NEURL4: variants seen among roughly 807,000 people sequenced by gnomAD.
NEURL4 encodes the protein neuralized-like protein 4.
Under a neutral mutation model 148.0 loss-of-function variants are expected in NEURL4, and 45 were observed. The ratio of observed to expected loss-of-function variants is 0.30; its 90% CI spans 0.24 to 0.39. NEURL4 has a LOEUF of 0.39. NEURL4 is among the 10% of genes least tolerant of loss of function. The pLI is 1.00. For synonymous variants in NEURL4, 854 were observed against 869.0 expected (o/e 0.98, Z 0.30); for missense variants, 1,776 against 2,144.0 (o/e 0.83, Z 3.39).
chr17:7,319,696 G>A lies in NEURL4; in HGVS notation c.3526-488C>T, dbSNP rs535427853. On this transcript the variant is annotated intron_variant, in intron 21 of 28. Transcript: ENST00000399464. Reference sequence around the variant, plus strand: ...GCCTGGGCGACAAGAGCTAAACTCCGTCTCAAAAAAAACAAAAAAACAAAA... The same window carrying A: ...GCCTGGGCGACAAGAGCTAAACTCCATCTCAAAAAAAACAAAAAAACAAAA... Among the ~76,000 whole-genome samples the A allele has an allele frequency of 2.4e-3, 205 of 83,850 alleles. 3 individuals are homozygous for A. Among genetic ancestry groups the A allele is most frequent in the Middle Eastern group, 6.2e-3 (1 of 162 alleles). The allele number at this position is 83,850 out of a possible 152,430, so 55.0% of individuals were successfully genotyped here. A position where few individuals can be genotyped will look rare whatever the true frequency, so the allele number is the denominator to read the frequency against.
In NEURL4 at chr17:7,324,899, G is replaced by C. The variant is rs377496192; in HGVS notation, c.1713C>G (p.Asp571Glu). 2 of 1,614,172 alleles carry C rather than the reference G, an allele frequency of 1.2e-6. No homozygotes were observed. Among genetic ancestry groups the C allele is most frequent in the Admixed American group, 1.7e-5 (1 of 60,022 alleles). Residue 571 changes from aspartate (D) to glutamate (E), a missense_variant, in exon 9 of 29, where the codon GAC (aspartate) becomes GAG (glutamate). Physicochemically the swap from Asp to Glu is conservative, Grantham distance 45. Coordinates refer to ENST00000399464, the MANE Select transcript of NEURL4 (RefSeq NM_032442.3). This position sits in a 1 kb window ranked among gnomAD's most constrained non-coding sequence, Gnocchi z 5.9. Reference protein sequence around the residue: ...RDGEVFQVRIDKMVDKWAGSI... With the variant: ...RDGEVFQVRIEKMVDKWAGSI... ...AGCCAGCCCATTTGTCCACCATCTTGTCGATGCGCACCTGGAACACCTCTC... is the reference window on the plus strand; with the variant it reads ...AGCCAGCCCATTTGTCCACCATCTTCTCGATGCGCACCTGGAACACCTCTC...
chr17:7,318,542 G>T lies in NEURL4; in HGVS notation c.3817C>A (p.Pro1273Thr). 2 of 1,613,074 alleles carry T rather than the reference G, an allele frequency of 1.2e-6. No individual in the cohort carries two copies. The highest frequency in any genetic ancestry group is 2.2e-5 in the South Asian group (2 of 90,928). ...TCCACAAGCGCATGGCAGGGCTGGG[G>T]CACATCTGGCACAGCTACCCCCTGG... Reference protein sequence around the residue: ...VDQGVAVPDVPQPCHALVDLY... With the variant: ...VDQGVAVPDVTQPCHALVDLY... Residue 1273 changes from proline (P) to threonine (T), a missense_variant, in exon 23 of 29, where the codon CCC becomes ACC. Pro to Thr is a conservative substitution (Grantham distance 38, BLOSUM62 -1). Transcript: ENST00000399464. The surrounding 1 kb of genome is among the most constrained non-coding windows in gnomAD (Gnocchi z 4.3).
Position 7,321,040 on chromosome 17 carries a change from A to G in NEURL4, c.3360+72T>C. 6.3e-7 allele frequency: 1 copy of G among 1,593,862 alleles called. No homozygotes were observed. The highest frequency in any genetic ancestry group is 8.6e-7 in the Non-Finnish European group (1 of 1,167,632). On this transcript the variant is annotated intron_variant, in intron 20 of 28. Coordinates refer to ENST00000399464, the MANE Select transcript of NEURL4 (RefSeq NM_032442.3). This position sits in a 1 kb window ranked among gnomAD's most constrained non-coding sequence, Gnocchi z 6.3. Reference sequence around the variant, plus strand: ...TCCACCCAACGATCAGAGAACCCAGAAAAGGCCTGGCATCCAACGGCCCAG... The same window carrying G: ...TCCACCCAACGATCAGAGAACCCAGGAAAGGCCTGGCATCCAACGGCCCAG...
chr17:7,317,417 C>G (rs767094155), intron 27 of NEURL4, 44 bp downstream of exon 27: 2 of 1,611,190 alleles, frequency 1.2e-6, no homozygotes, highest in Admixed American at 3.3e-5. Context: ...TCCTCCACAG[C>G]CCCCCAGGCT....
At chr17:7,317,437 T>A in intron 27 of NEURL4, 24 bp downstream of exon 27, 1 of 1,612,950 alleles carries the variant, frequency 6.2e-7, no homozygotes, top group Non-Finnish European at 8.5e-7. Flanking sequence ...TCAGCCCACC[T>A]TGCATGGGCC....
In NEURL4 at chr17:7,322,967, C is replaced by G; in HGVS notation, c.2574G>C (p.Ser858=). ...INGQDQGAAC[S]GLPPGKEVYA... is the part of the protein sequence containing the mutation. The stretch of plus-strand genomic sequence containing the variant: ...AGTCACCTTTACCCGGAGGCAGGCC[C>G]GAGCAGGCAGCGCCTTGGTCCTGGC... The change falls in exon 15 of 29, where the codon TCG becomes TCC. Residue 858 remains serine (S), a synonymous_variant. Coordinates refer to ENST00000399464, the MANE Select transcript of NEURL4 (RefSeq NM_032442.3). This position sits in a 1 kb window ranked among gnomAD's most constrained non-coding sequence, Gnocchi z 5.5. 1 of 1,613,512 alleles carries G rather than the reference C, an allele frequency of 6.2e-7. No homozygotes were observed. The highest frequency in any genetic ancestry group is 2.2e-5 in the East Asian group (1 of 44,880).
At position 7,323,086 on chromosome 17, in the gene NEURL4, T is replaced by C. The variant is rs753817304; in HGVS notation, c.2455A>G (p.Asn819Asp). The C allele has an allele frequency of 6.2e-7, 1 of 1,613,724 alleles. No individual in the cohort carries two copies. ...AIMQDGNTMR[N>D]NYGCDLDALG... The stretch of plus-strand genomic sequence containing the variant: ...GCATCCAGGTCACACCCATAATTGT[T>C]GCGCATCGTGTTACCGTCTTGCATG... Residue 819 changes from asparagine (N) to aspartate (D), a missense_variant, in exon 15 of 29, where the codon AAC (asparagine) becomes GAC (aspartate). Coordinates refer to ENST00000399464, the MANE Select transcript of NEURL4 (RefSeq NM_032442.3).
At position 7,321,235 on chromosome 17, in the gene NEURL4, G is replaced by A. The variant is rs182037438; in HGVS notation, c.3237C>T (p.Arg1079=). 2.9e-5 allele frequency: 46 copies of A among 1,613,892 alleles called. No individual in the cohort carries two copies. The highest frequency in any genetic ancestry group is 8.8e-5 in the South Asian group (8 of 91,058). The change falls in exon 20 of 29, where the codon CGC becomes CGT. Residue 1079 remains arginine (R), a synonymous_variant. Coordinates refer to ENST00000399464, the MANE Select transcript of NEURL4 (RefSeq NM_032442.3). The surrounding 1 kb of genome is among the most constrained non-coding windows in gnomAD (Gnocchi z 6.3). ...WAVLDLYGPV[R]GVSIVSSTRL... is the part of the protein sequence containing the mutation. ...TCGTGGAACTGACAATTGACACACC[G>A]CGGACTGGCCCGTAGAGATCCAACA...
Position 7,317,790 on chromosome 17 carries a change from G to A in NEURL4, c.4203C>T (p.Leu1401=). 1 of 1,613,368 alleles carries A rather than the reference G, an allele frequency of 6.2e-7. No homozygotes were observed. The highest frequency in any genetic ancestry group is 2.2e-5 in the East Asian group (1 of 44,882). Residue 1401 remains leucine (L), a splice_region_variant and synonymous_variant, in exon 26 of 29, where the codon CTC becomes CTT. Transcript: ENST00000399464. Reference sequence around the variant, plus strand: ...GGCATGACCTTGCCCATATGTACCTGAGGTTGAACCTGCACCAGCCAAAGG... The same window carrying A: ...GGCATGACCTTGCCCATATGTACCTAAGGTTGAACCTGCACCAGCCAAAGG... ...ALPFGWCRFN[L]RVNPRLEAGT... is the part of the protein sequence containing the mutation.
chr17:7,316,800 T>C (rs2072952961), intron 28 of NEURL4, among the ~76,000 whole-genome samples: 1 of 152,138 alleles, frequency 6.6e-6, no homozygotes, highest in African/African-American at 2.4e-5. Flanking sequence ...TGCGTGCCTG[T>C]AGTCCCAGCT....
chr17:7,326,348 G>A lies in NEURL4; in HGVS notation c.1205-5C>T. The A allele has an allele frequency of 8.1e-6, 13 of 1,614,172 alleles. No homozygotes were observed. The highest frequency in any genetic ancestry group is 1.1e-5 in the Non-Finnish European group (13 of 1,180,022). ...AGCCGCTCATCATGATGGTGCCTGG[G>A]TGATAGTGGACACTTGGGTTCGGGT... is the stretch of plus-strand genomic sequence containing the variant. On this transcript the variant is annotated splice_region_variant and splice_polypyrimidine_tract_variant and intron_variant, in intron 5 of 28. Coordinates refer to ENST00000399464, the MANE Select transcript of NEURL4 (RefSeq NM_032442.3). The surrounding 1 kb of genome is among the most constrained non-coding windows in gnomAD (Gnocchi z 6.0).
Position 7,318,160 on chromosome 17 carries a change from C to T in NEURL4, c.3965G>A (p.Ser1322Asn). The T allele has an allele frequency of 6.2e-7, 1 of 1,614,164 alleles. No individual in the cohort carries two copies. Among genetic ancestry groups the T allele is most frequent in the South Asian group, 1.1e-5 (1 of 91,090 alleles). Residue 1322 changes from serine to asparagine, a missense_variant, in exon 25 of 29, where the codon AGT becomes AAT. Physicochemically the swap from Ser to Asn is conservative, Grantham distance 46 (BLOSUM62 1). Transcript: ENST00000399464. This position sits in a 1 kb window ranked among gnomAD's most constrained non-coding sequence, Gnocchi z 4.3. Reference sequence around the variant, plus strand: ...GGCAGGTGGTGGACCCCAGCACACACTCTCTTTGATACCTGAGGGAGCAGA... The same window carrying T: ...GGCAGGTGGTGGACCCCAGCACACATTCTCTTTGATACCTGAGGGAGCAGA... ...KADMVDGIKE[S>N]VCWGPPPAAS...
chr17:7,322,856 C>G lies in NEURL4; in HGVS notation c.2604G>C (p.Ala868=). The G allele has an allele frequency of 6.2e-7, 1 of 1,613,778 alleles. No individual in the cohort carries two copies. The highest frequency in any genetic ancestry group is 8.5e-7 in the Non-Finnish European group (1 of 1,179,748). ...CACACTGGCCATAGAGATCGACTAC[C>G]GCATACACCTCTGGGGAGGAGAGGG... ...SGLPPGKEVY[A]VVDLYGQCVQ... Residue 868 remains alanine, a synonymous_variant, in exon 16 of 29, where the codon GCG becomes GCC. Transcript: ENST00000399464. The surrounding 1 kb of genome is among the most constrained non-coding windows in gnomAD (Gnocchi z 5.5).
Position 7,318,665 on chromosome 17 carries a change from T to A in NEURL4, c.3694A>T (p.Lys1232Ter). The part of the protein sequence containing the change: ...VFHNGLKICE[K>*]FGPNLDTCPE... ...CACGTGTCCAGATTGGGCCCAAACT[T>A]CTCGCAGATCTGGGAGGAGAGACCG... The change falls in exon 23 of 29, where the codon AAG (lysine) becomes TAG (stop). Residue 1232 changes from lysine to a stop codon, truncating the protein, a stop_gained. Coordinates refer to ENST00000399464, the MANE Select transcript of NEURL4 (RefSeq NM_032442.3). LOFTEE classifies it high-confidence loss of function. This position sits in a 1 kb window ranked among gnomAD's most constrained non-coding sequence, Gnocchi z 4.3. The A allele has an allele frequency of 6.2e-7, 1 of 1,607,456 alleles. No individual in the cohort carries two copies. Among genetic ancestry groups the A allele is most frequent in the Non-Finnish European group, 8.5e-7 (1 of 1,176,400 alleles).
In NEURL4 at chr17:7,325,144, T is replaced by TGGGGGGGGGGGGGGGGGGGGGGGGGGGGG; in HGVS notation, c.1631+64_1631+65insCCCCCCCCCCCCCCCCCCCCCCCCCCCCC. 186 of 956,458 alleles carry TGGGGGGGGGGGGGGGGGGGGGGGGGGGGG rather than the reference T, an allele frequency of 1.9e-4. 1 individual carries two copies. Among genetic ancestry groups the TGGGGGGGGGGGGGGGGGGGGGGGGGGGGG allele is most frequent in the Non-Finnish European group, 2.6e-4 (169 of 646,242 alleles). The allele number at this position is 956,458 out of a possible 1,614,324, so 59.2% of individuals were successfully genotyped here. On this transcript the variant is annotated intron_variant, in intron 8 of 28. Transcript: ENST00000399464. ...AGGCTCCCTCTGCCTTCCACTTCCT[T>TGGGGGGGGGGGGGGGGGGGGGGGGGGGGG]GCCCCGCCCCCCCCCCCCCATTAGA...
chr17:7,316,833 A>T (rs1447679932), intron 28 of NEURL4, among the ~76,000 whole-genome samples: 1 of 152,100 alleles, frequency 6.6e-6, no homozygotes, highest in African/African-American at 2.4e-5. Context: ...GAGGCAGGAG[A>T]ATCGCTTGAA....
chr17:7,325,682 G>T lies in NEURL4; in HGVS notation c.1325C>A (p.Ser442Tyr), dbSNP rs777366538. 5.6e-6 allele frequency: 9 copies of T among 1,613,666 alleles called. No homozygotes were observed. The Admixed American group carries it at 1.5e-4, about 27-fold the overall frequency. ...EGDHIGLTRK[S>Y]NSALHFFING... The stretch of plus-strand genomic sequence containing the variant: ...AATGAAGAAGTGTAGGGCAGAGTTG[G>T]ACTTCCTTGTGAGGCCAATGTGGTC... Residue 442 changes from serine (S) to tyrosine (Y), a missense_variant, in exon 7 of 29, where the codon TCC becomes TAC. Transcript: ENST00000399464.
chr17:7,324,664 G>T lies in NEURL4; in HGVS notation c.1813+135C>A. The stretch of plus-strand genomic sequence containing the variant: ...CCAAGACAGCCACAGCCCTGCCCAC[G>T]GGACACTCTCTAGCCACTGAATGAG... On this transcript the variant is annotated intron_variant, in intron 9 of 28. Transcript: ENST00000399464. The surrounding 1 kb of genome is among the most constrained non-coding windows in gnomAD (Gnocchi z 5.9). The T allele has an allele frequency of 9.0e-7, 1 of 1,110,286 alleles. No individual in the cohort carries two copies. The highest frequency in any genetic ancestry group is 1.3e-6 in the Non-Finnish European group (1 of 758,498). 68.8% of individuals were successfully genotyped at this position (1,110,286 alleles called of 1,614,324 possible). A position where few individuals can be genotyped will look rare whatever the true frequency, so the allele number is the denominator to read the frequency against.
Position 7,324,999 on chromosome 17 carries a change from G to T in NEURL4, c.1632-19C>A. On this transcript the variant is annotated intron_variant, in intron 8 of 28. Coordinates refer to ENST00000399464, the MANE Select transcript of NEURL4 (RefSeq NM_032442.3). This position sits in a 1 kb window ranked among gnomAD's most constrained non-coding sequence, Gnocchi z 5.9. ...GGTGGCACTGAGGGCACAGCAAGTG[G>T]AGAGTCAGATCCCCAACACACGCTC... 6.2e-7 allele frequency: 1 copy of T among 1,613,278 alleles called. No individual in the cohort carries two copies. Among genetic ancestry groups the T allele is most frequent in the Non-Finnish European group, 8.5e-7 (1 of 1,179,442 alleles).
Sources: allele counts gnomAD v4.1 joint callset (sites outside exome capture counted in the v4.1 genomes callset), GRCh38; gene constraint gnomAD v4.1.1; non-coding constraint Gnocchi (gnomAD v3.1); transcripts MANE v1.5; gene names NCBI Gene and HGNC (gene_info 2026-07-23, HGNC 2026-07-21).